PLEKHA7: variants seen among roughly 807,000 people sequenced by gnomAD.
The protein encoded by PLEKHA7 is pleckstrin homology domain containing A7, also known as pleckstrin homology domain-containing family A member 7.
PLEKHA7 carries 104 observed loss-of-function variants against 170.0 expected under a neutral mutation model. The ratio of observed to expected loss-of-function variants is 0.61; its 90% CI spans 0.52 to 0.72. The LOEUF is 0.72. Among genes scored for constraint, PLEKHA7 ranks in the 30% least tolerant of loss-of-function variants. The pLI, the probability that PLEKHA7 is intolerant of heterozygous loss-of-function variation, is 0.00. For missense variants in PLEKHA7, 1,615 were observed against 1,671.7 expected (o/e 0.97, Z 0.59); for synonymous variants, 648 against 660.8 (o/e 0.98, Z 0.30).
At chr11:16,818,582 A>G (rs752525333) in intron 10 of PLEKHA7, among the ~76,000 whole-genome samples, 2 of 152,198 alleles carry the variant, frequency 1.3e-5, no homozygotes, top group Non-Finnish European at 2.9e-5. Context: ...CCAAGGTCCT[A>G]TATTGATGTG....
intron 3 of PLEKHA7, among the ~76,000 whole-genome samples, chr11:16,966,290 A>ATGTGTGTG (rs112176840): frequency 1.6e-4 from 24 of 149,114 alleles, no homozygotes; most frequent in African/African-American, 5.5e-4. Flanking sequence ...TTGTGCATGT[A>ATGTGTGTG]TGTGTGTGTG....
chr11:16,937,176 C>T (rs920138823), intron 3 of PLEKHA7, among the ~76,000 whole-genome samples: 1 of 152,104 alleles, frequency 6.6e-6, no homozygotes, highest in South Asian at 2.1e-4. Context: ...ACAGTTTGCA[C>T]GCTTGAAAGG....
At chr11:16,863,259 A>T (rs142817257) in intron 4 of PLEKHA7, among the ~76,000 whole-genome samples, 294 of 152,332 alleles carry the variant, frequency 1.9e-3, no homozygotes, top group Non-Finnish European at 3.3e-3. Flanking sequence ...GAAAGACAGT[A>T]TCTTCTTTAA....
intron 3 of PLEKHA7, among the ~76,000 whole-genome samples, chr11:17,002,086 C>G (rs992955218): frequency 6.6e-6 from 1 of 152,194 alleles, no homozygotes; most frequent in Non-Finnish European, 1.5e-5. Flanking sequence ...AGAGCACCAG[C>G]GACTGGCTCA....
chr11:16,990,248 T>C (rs1248638538), intron 3 of PLEKHA7, among the ~76,000 whole-genome samples: 1 of 122,890 alleles, frequency 8.1e-6, no homozygotes, highest in Non-Finnish European at 1.6e-5. Flanking sequence ...CATTCCAGCC[T>C]GGGCAACAGA....
rs1258817698 is a variant in PLEKHA7, at chr11:16,801,892, CCAAAG to C, written c.2158-80_2158-76del. On this transcript the variant is annotated intron_variant, in intron 15 of 26. Transcript: ENST00000531066. ...AGGCCTCCCCATACCACACCAGGAA[CCAAAG>C]CTACTGGACCTAACCAAGGCCGAAG... 8 of 1,581,366 alleles carry C rather than the reference CCAAAG, an allele frequency of 5.1e-6. No homozygotes were observed. The African/African-American group carries it at 6.7e-5, about 13-fold the overall frequency.
At chr11:16,923,345 A>G (rs565780847) in intron 3 of PLEKHA7, among the ~76,000 whole-genome samples, 91 of 152,326 alleles carry the variant, frequency 6.0e-4, no homozygotes, top group Non-Finnish European at 1.1e-3. Flanking sequence ...GGGTTGGAGA[A>G]GGTGGCACTC....
rs757421694 is a variant in PLEKHA7 at position 16,789,518 on chromosome 11, A to G, written c.3157-222T>C. On this transcript the variant is annotated intron_variant, in intron 22 of 26. Coordinates refer to ENST00000531066, the MANE Select transcript of PLEKHA7 (RefSeq NM_001329630.2). This position sits in a 1 kb window ranked among gnomAD's most constrained non-coding sequence, Gnocchi z 4.6. ...ACCCATTCTGCAGATGCAGACACTT[A>G]GGCTCAGGCCTGTCCAGTGAGGCCA... is the stretch of plus-strand genomic sequence containing the variant. The G allele has an allele frequency of 1.3e-5, 8 of 620,204 alleles. No homozygotes were observed. The highest frequency in any genetic ancestry group is 2.3e-5 in the Non-Finnish European group (8 of 354,454). The allele number at this position is 620,204 out of a possible 1,614,324, so 38.4% of individuals were successfully genotyped here. A position where few individuals can be genotyped will look rare whatever the true frequency, so the allele number is the denominator to read the frequency against.
At chr11:16,842,594 C>CAAAAAAAAAAAAA (rs10690846) in intron 8 of PLEKHA7, 1 of 107,936 alleles carries the variant, frequency 9.3e-6, no homozygotes, top group Non-Finnish European at 1.8e-5. Flanking sequence ...TGTATCCTTG[C>CAAAAAAAAAAAAA]AAAAAAAAAA....
chr11:16,959,974 C>A (rs886359008), intron 3 of PLEKHA7, among the ~76,000 whole-genome samples: 3 of 152,098 alleles, frequency 2.0e-5, no homozygotes, highest in Non-Finnish European at 4.4e-5. Flanking sequence ...CTACTGCCCC[C>A]CAAGGGATCT....
intron 9 of PLEKHA7, among the ~76,000 whole-genome samples, chr11:16,836,411 A>G (rs1590276857): frequency 6.6e-6 from 1 of 152,368 alleles, no homozygotes; most frequent in Admixed American, 6.5e-5. Flanking sequence ...ATTTTCTGTC[A>G]TCTGCAGTCA....
rs781478612 is a variant in PLEKHA7 at position 16,854,906 on chromosome 11, C to T, written c.505G>A (p.Gly169Ser). ...RNPNVPVVVR[G>S]WLHKQDSSGM... is the part of the protein sequence containing the mutation. ...TTCCTCACCTGCTTGTGCAGCCAGC[C>T]CCTCACCACCACGGGAACATTGGGG... The change falls in exon 6 of 27, where the codon GGC becomes AGC. Residue 169 changes from glycine (G) to serine (S), a missense_variant. Transcript: ENST00000531066. 1.2e-6 allele frequency: 2 copies of T among 1,613,966 alleles called. No homozygotes were observed. The highest frequency in any genetic ancestry group is 1.7e-6 in the Non-Finnish European group (2 of 1,179,908).
chr11:16,870,064 C>T (rs767628877), intron 4 of PLEKHA7, among the ~76,000 whole-genome samples: 2 of 152,154 alleles, frequency 1.3e-5, no homozygotes, highest in African/African-American at 4.8e-5. Flanking sequence ...TTGGGCTGTA[C>T]ATGTATTTTT....
chr11:16,954,813 C>G (rs536846741), intron 3 of PLEKHA7, among the ~76,000 whole-genome samples: 10 of 151,822 alleles, frequency 6.6e-5, no homozygotes, highest in Non-Finnish European at 1.5e-4. Flanking sequence ...GCTTCAGCCT[C>G]CGGAGTAGCT....
chr11:16,830,680 C>T (rs867523307), intron 9 of PLEKHA7, among the ~76,000 whole-genome samples: 2 of 152,216 alleles, frequency 1.3e-5, no homozygotes, highest in South Asian at 2.1e-4. Context: ...TCTTCCTTCC[C>T]TAACCATTCA....
intron 3 of PLEKHA7, among the ~76,000 whole-genome samples, chr11:16,888,693 G>A (rs893719333): frequency 2.0e-5 from 3 of 152,036 alleles, no homozygotes; most frequent in Non-Finnish European, 1.5e-5. Context: ...CAAGTACCCA[G>A]GGACACAAAC....
chr11:16,881,185 T>C (rs1855683796), intron 3 of PLEKHA7: 1 of 152,240 alleles, frequency 6.6e-6, no homozygotes, highest in Admixed American at 6.5e-5. Context: ...TTGACTTTCA[T>C]GAATCAGAAT....
At chr11:16,843,479 G>A (rs1852130671) in intron 8 of PLEKHA7, among the ~76,000 whole-genome samples, 1 of 152,248 alleles carries the variant, frequency 6.6e-6, no homozygotes, top group Non-Finnish European at 1.5e-5. Flanking sequence ...ACATATCTGA[G>A]TCCATCTGGC....
intron 3 of PLEKHA7, among the ~76,000 whole-genome samples, chr11:16,976,748 C>T (rs115771854): frequency 4.6e-5 from 7 of 152,340 alleles, no homozygotes; most frequent in Non-Finnish European, 8.8e-5. Context: ...TAGAGCGGTT[C>T]GGATGTCTTC....
Sources: gnomAD v4.1 joint callset for allele counts (sites outside exome capture counted in the v4.1 genomes callset) on GRCh38, gnomAD v4.1.1 for gene constraint, Gnocchi (gnomAD v3.1) non-coding constraint, MANE v1.5 for transcripts, NCBI Gene and HGNC (gene_info 2026-07-23, HGNC 2026-07-21) for gene names.